Variants in CEP63 observed in about 807,000 individuals in gnomAD.
CEP63 encodes the protein centrosomal protein of 63 kDa.
In CEP63, 84 loss-of-function variants were observed where a neutral mutation model predicts 89.1. That is an observed-to-expected ratio of 0.94 (90% CI 0.79 to 1.13). The LOEUF (loss-of-function observed/expected upper bound fraction) is 1.13. CEP63 is among the 50% of genes most tolerant of loss of function. CEP63 has a pLI of 0.00. For missense variants in CEP63, 838 were observed against 813.3 expected, an observed-to-expected ratio of 1.03 and a Z score of -0.37; for synonymous variants, 267 against 272.5, an observed-to-expected ratio of 0.98 and a Z score of 0.20.
chr3:134,533,361 A>G (rs996422412), intron 5 of CEP63, among the ~76,000 whole-genome samples: 2 of 152,222 alleles, frequency 1.3e-5, no homozygotes, highest in Non-Finnish European at 2.9e-5. Flanking sequence ...ATATCATTGT[A>G]TCTCAAGCAC....
intron 14 of CEP63, among the ~76,000 whole-genome samples, chr3:134,560,509 A>T (rs1242149719): frequency 6.6e-6 from 1 of 152,196 alleles, no homozygotes; most frequent in East Asian, 1.9e-4. Context: ...TGCGGAGGTG[A>T]CCATAGGGTG....
the CEP63 span, among the ~76,000 whole-genome samples, chr3:134,651,969 AC>A: frequency 5.3e-5 from 8 of 151,744 alleles, no homozygotes; most frequent in East Asian, 1.6e-3. Flanking sequence ...TAATAAATGC[AC>A]CCCCACATGG....
At chr3:134,603,645 C>G in the CEP63 span, 1 of 1,612,730 alleles carries the variant, frequency 6.2e-7, no homozygotes, top group Non-Finnish European at 8.5e-7. Flanking sequence ...TCTCCAGCAC[C>G]ATGACATAGA....
At chr3:134,626,050 C>A in the CEP63 span, among the ~76,000 whole-genome samples, 2 of 152,218 alleles carry the variant, frequency 1.3e-5, no homozygotes, top group Non-Finnish European at 2.9e-5. Flanking sequence ...CCTGTCCCGG[C>A]CCAGAAGAGA....
At chr3:134,575,667 A>C (rs1577506957), downstream of CEP63, among the ~76,000 whole-genome samples, 1 of 146,864 alleles carries the variant, frequency 6.8e-6, no homozygotes. Context: ...GTTGGAGTGC[A>C]TTGGCATAAT....
At chr3:134,693,240 A>T in the CEP63 span, among the ~76,000 whole-genome samples, 1 of 152,194 alleles carries the variant, frequency 6.6e-6, no homozygotes, top group African/African-American at 2.4e-5. Flanking sequence ...TAGCACACAC[A>T]GTTTGCCCTT....
At chr3:134,628,629 G>C in the CEP63 span, among the ~76,000 whole-genome samples, 1 of 152,174 alleles carries the variant, frequency 6.6e-6, no homozygotes, top group East Asian at 1.9e-4. Flanking sequence ...CTTTTTGATA[G>C]AATGATAAAG....
the CEP63 span, among the ~76,000 whole-genome samples, chr3:134,690,743 A>ATTTT: frequency 2.5e-5 from 3 of 120,794 alleles, no homozygotes; most frequent in African/African-American, 7.0e-5. Flanking sequence ...GAAGACCAAG[A>ATTTT]TTTTTTTTTT....
the CEP63 span, among the ~76,000 whole-genome samples, chr3:134,724,670 A>T: frequency 6.6e-6 from 1 of 152,374 alleles, no homozygotes; most frequent in East Asian, 1.9e-4. Flanking sequence ...TCAAAACAGA[A>T]GTTCATTTAT....
chr3:134,496,198 T>TG (rs1939867119), intron 2 of CEP63, among the ~76,000 whole-genome samples: 1 of 86,586 alleles, frequency 1.2e-5, no homozygotes, highest in Non-Finnish European at 2.7e-5. Context: ...TTATTGATGC[T>TG]ATTTCAGTCA....
At chr3:134,504,871 A>T (rs1943060711) in intron 2 of CEP63, among the ~76,000 whole-genome samples, 1 of 152,060 alleles carries the variant, frequency 6.6e-6, no homozygotes, top group Non-Finnish European at 1.5e-5. Context: ...CAAGTTCAGA[A>T]ATTCTCGTAC....
chr3:134,529,140 G>A (rs1467020059), intron 3 of CEP63, among the ~76,000 whole-genome samples: 16 of 152,040 alleles, frequency 1.1e-4, no homozygotes, highest in Non-Finnish European at 2.4e-4. Flanking sequence ...ACAAAATTGG[G>A]ATTTTAGTAT....
chr3:134,647,983 G>A, the CEP63 span, among the ~76,000 whole-genome samples: 3 of 152,274 alleles, frequency 2.0e-5, no homozygotes, highest in Admixed American at 6.5e-5. Context: ...GGGTAAACAC[G>A]TATGGCCTAG....
At chr3:134,706,164 C>T in the CEP63 span, among the ~76,000 whole-genome samples, 1 of 152,118 alleles carries the variant, frequency 6.6e-6, no homozygotes, top group African/African-American at 2.4e-5. Flanking sequence ...ACTTTCCTAA[C>T]CCATTTCTTT....
rs1477475300 is a variant in CEP63, at chr3:134,550,254, G to A, written c.1374G>A (p.Glu458=). 1 of 1,614,014 alleles carries A rather than the reference G, an allele frequency of 6.2e-7. No individual in the cohort carries two copies. The highest frequency in any genetic ancestry group is 1.7e-5 in the Admixed American group (1 of 60,012). Residue 458 remains glutamate, a synonymous_variant, in exon 11 of 15, where the codon GAG becomes GAA. Transcript: ENST00000675561. ...EMQKAEDKAV[E]HKEILDQLES... ...AAAAGGCAGAAGACAAAGCAGTAGAGCATAAGGTGAAGCCTGAACAAAACC... is the reference window on the plus strand; with the variant it reads ...AAAAGGCAGAAGACAAAGCAGTAGAACATAAGGTGAAGCCTGAACAAAACC...
intron 1 of CEP63, among the ~76,000 whole-genome samples, chr3:134,487,144 C>T (rs753359249): frequency 6.6e-6 from 1 of 152,124 alleles, no homozygotes; most frequent in Non-Finnish European, 1.5e-5. Context: ...TATACAGTTC[C>T]TCAAGTGCTT....
chr3:134,647,207 C>T, the CEP63 span, among the ~76,000 whole-genome samples: 1 of 152,206 alleles, frequency 6.6e-6, no homozygotes, highest in East Asian at 1.9e-4. Context: ...TGCTCAAGTT[C>T]CTGGCACTGC....
the CEP63 span, among the ~76,000 whole-genome samples, chr3:134,735,365 T>A: frequency 2.0e-5 from 3 of 152,130 alleles, no homozygotes; most frequent in Non-Finnish European, 2.9e-5. Flanking sequence ...GAATGAAACT[T>A]ATCTAACACA....
intron 14 of CEP63, among the ~76,000 whole-genome samples, chr3:134,560,051 T>C (rs143267200): frequency 4.1e-4 from 62 of 152,368 alleles, no homozygotes; most frequent in African/African-American, 1.3e-3. Flanking sequence ...TTCTGACTTA[T>C]TAATGTGCTA....
Sources: gnomAD v4.1 joint callset for allele counts (sites outside exome capture counted in the v4.1 genomes callset) on GRCh38, gnomAD v4.1.1 for gene constraint, MANE v1.5 for transcripts, NCBI Gene and HGNC (gene_info 2026-07-23, HGNC 2026-07-21) for gene names.